The following MAPT variants were observed in gnomAD, a reference collection of about 807,000 sequenced individuals.
The protein encoded by MAPT is microtubule-associated protein tau.
A neutral mutation model predicts 67.9 loss-of-function variants in MAPT; 34 were observed. That is an observed-to-expected ratio of 0.50 (90% confidence interval 0.38 to 0.67). The LOEUF is 0.67. Among genes scored for constraint, MAPT ranks in the 30% least tolerant of loss-of-function variants. The pLI is 0.00. For missense variants in MAPT, 881 were observed against 1,115.2 expected, an observed-to-expected ratio of 0.79 and a Z score of 2.99; for synonymous variants, 456 against 464.5, an observed-to-expected ratio of 0.98 and a Z score of 0.23.
chr17:45,958,118 C>G (rs1267102534), intron 1 of MAPT, among the ~76,000 whole-genome samples: 4 of 152,142 alleles, frequency 2.6e-5, no homozygotes, highest in Non-Finnish European at 5.9e-5. Flanking sequence ...TTTTCAACCT[C>G]ACTCCATCTT....
chr17:45,989,386 C>G (rs915087906), intron 6 of MAPT, among the ~76,000 whole-genome samples: 1 of 152,140 alleles, frequency 6.6e-6, no homozygotes, highest in Non-Finnish European at 1.5e-5. Flanking sequence ...CGCGGTGGCT[C>G]ACGCCTGTAA....
At chr17:46,014,970 TGA>T (rs937932077) in intron 11 of MAPT, among the ~76,000 whole-genome samples, 3 of 151,274 alleles carry the variant, frequency 2.0e-5, no homozygotes, top group African/African-American at 7.3e-5. Flanking sequence ...GGAAGGGTAG[TGA>T]GGGGATGGTG....
At position 45,971,077 on chromosome 17, in the gene MAPT, A is replaced by G. The variant is rs59630019; in HGVS notation, c.134-782A>G. Reference sequence around the variant, plus strand: ...CCCATAAAATAACCAGGGCAGATTGACTCCCAGTGGCCAAAGTGCCACAGG... The same window carrying G: ...CCCATAAAATAACCAGGGCAGATTGGCTCCCAGTGGCCAAAGTGCCACAGG... On this transcript the variant is annotated intron_variant, in intron 2 of 12. Coordinates refer to ENST00000262410, the MANE Select transcript of MAPT (RefSeq NM_001377265.1). The surrounding 1 kb of genome is among the most constrained non-coding windows in gnomAD (Gnocchi z 4.3). 3.5e-3 allele frequency among the ~76,000 whole-genome samples: 531 copies of G among 152,116 alleles called. 6 individuals carry two copies. Among genetic ancestry groups the G allele is most frequent in the African/African-American group, 0.012 (516 of 41,498 alleles).
intron 9 of MAPT, chr17:45,999,765 A>G: frequency 9.5e-7 from 1 of 1,051,730 alleles, no homozygotes; most frequent in Non-Finnish European, 1.4e-6. Flanking sequence ...GGGTGACTTG[A>G]CTTTTCTTGA....
At chr17:46,019,086 T>C (rs1359437382) in intron 12 of MAPT, among the ~76,000 whole-genome samples, 1 of 152,152 alleles carries the variant, frequency 6.6e-6, no homozygotes, top group Admixed American at 6.5e-5. Context: ...GGGTAATTTA[T>C]AAAGGAAAGA....
At chr17:45,994,028 C>A (rs1422899186) in intron 8 of MAPT, 14 of 1,506,040 alleles carry the variant, frequency 9.3e-6, no homozygotes, top group Non-Finnish European at 6.3e-6. Flanking sequence ...CGTGTGTGGC[C>A]ATTCACTGGC....
At chr17:45,970,786 C>T (rs971940320) in intron 2 of MAPT, among the ~76,000 whole-genome samples, 1 of 152,248 alleles carries the variant, frequency 6.6e-6, no homozygotes, top group African/African-American at 2.4e-5. Flanking sequence ...TAGCCTGTAA[C>T]TCCTGCTTCC....
chr17:45,943,990 A>G (rs2068228834), intron 1 of MAPT, among the ~76,000 whole-genome samples: 1 of 151,928 alleles, frequency 6.6e-6, no homozygotes, highest in Admixed American at 6.6e-5. Context: ...AGCCTCTCCT[A>G]CTGGCTCCTG....
intron 2 of MAPT, among the ~76,000 whole-genome samples, chr17:45,969,965 C>T (rs1443409181): frequency 1.3e-5 from 2 of 151,664 alleles, no homozygotes; most frequent in Non-Finnish European, 2.9e-5. Context: ...ATCCATCCAC[C>T]CATATCTTCA....
intron 1 of MAPT, among the ~76,000 whole-genome samples, chr17:45,912,298 A>T (rs1450746146): frequency 6.6e-6 from 1 of 152,232 alleles, no homozygotes; most frequent in African/African-American, 2.4e-5. Flanking sequence ...TGTAAATGTG[A>T]TCTTATTTGG....
At chr17:45,946,582 G>A (rs543014651) in intron 1 of MAPT, among the ~76,000 whole-genome samples, 251 of 120,254 alleles carry the variant, frequency 2.1e-3, no homozygotes, top group African/African-American at 6.9e-3. Context: ...CTGGGCGACC[G>A]AGGGGGACTC....
intron 1 of MAPT, among the ~76,000 whole-genome samples, chr17:45,936,176 G>A (rs2067307477): frequency 6.6e-6 from 1 of 152,228 alleles, no homozygotes; most frequent in Admixed American, 6.5e-5. Flanking sequence ...TTCCTGGCCA[G>A]ACCGAATATA....
At chr17:46,002,541 A>G (rs2075086685) in intron 9 of MAPT, among the ~76,000 whole-genome samples, 1 of 152,034 alleles carries the variant, frequency 6.6e-6, no homozygotes, top group African/African-American at 2.4e-5. Context: ...TGGCTCTGAG[A>G]AGATGGAGCT....
chr17:45,927,145 T>C (rs369841665), intron 1 of MAPT, among the ~76,000 whole-genome samples: 1 of 151,948 alleles, frequency 6.6e-6, no homozygotes, highest in Non-Finnish European at 1.5e-5. Context: ...TTTCTTAAGT[T>C]TGAAAATTTT....
intron 1 of MAPT, among the ~76,000 whole-genome samples, chr17:45,935,517 A>G (rs1400418455): frequency 6.6e-6 from 1 of 152,018 alleles, no homozygotes; most frequent in East Asian, 1.9e-4. Flanking sequence ...CAGCTCCACC[A>G]CCATCACCAG....
At chr17:46,004,051 A>T (rs2075235913) in intron 9 of MAPT, among the ~76,000 whole-genome samples, 1 of 152,194 alleles carries the variant, frequency 6.6e-6, no homozygotes, top group Non-Finnish European at 1.5e-5. Flanking sequence ...GTGGGCATCC[A>T]GTGCCCACCC....
In MAPT at chr17:45,983,576, G is replaced by A. The variant is rs1242706206; in HGVS notation, c.997G>A (p.Gly333Ser). 1 of 1,613,102 alleles carries A rather than the reference G, an allele frequency of 6.2e-7. No individual in the cohort carries two copies. The highest frequency in any genetic ancestry group is 8.5e-7 in the Non-Finnish European group (1 of 1,179,976). ...CGCCAGAGAAGCCACCAGCATCCCA[G>A]GCTTCCCAGCGGAGGGTGCCATCCC... ...TAAREATSIPGFPAEGAIPLP... is the reference protein window; with the variant it reads ...TAAREATSIPSFPAEGAIPLP... The change falls in exon 5 of 13, where the codon GGC (glycine) becomes AGC (serine). Residue 333 changes from glycine to serine, a missense_variant. This residue lies in a region of MAPT where 687 missense variants were observed against 766.1 expected (regional missense o/e 0.90). Transcript: ENST00000262410.
At chr17:45,999,778 T>C (rs2074842792) in intron 9 of MAPT, 1 of 931,544 alleles carries the variant, frequency 1.1e-6, no homozygotes, top group African/African-American at 1.7e-5. Flanking sequence ...TTTCTTGAGA[T>C]ATTTTGGGGG....
In MAPT at chr17:46,017,440, A is replaced by ATTTTTT. The variant is rs76980614; in HGVS notation, c.2174-1153_2174-1148dup. Among the ~76,000 whole-genome samples the ATTTTTT allele has an allele frequency of 1.1e-3, 69 of 63,004 alleles. 10 individuals are homozygous for ATTTTTT. Among genetic ancestry groups the ATTTTTT allele is most frequent in the African/African-American group, 4.9e-3 (62 of 12,646 alleles). 41.3% of individuals were successfully genotyped at this position (63,004 alleles called of 152,430 possible). On this transcript the variant is annotated intron_variant, in intron 11 of 12. Transcript: ENST00000262410. ...AGGCACATGCCAACATGCCTGGCTA[A>ATTTTTT]TTTTTTTTTTTTTTTTTTTTTTTTT...
Sources: allele counts gnomAD v4.1 joint callset (sites outside exome capture counted in the v4.1 genomes callset), GRCh38; gene constraint gnomAD v4.1.1; regional missense constraint gnomAD v4.1.1; non-coding constraint Gnocchi (gnomAD v3.1); transcripts MANE v1.5; gene names NCBI Gene and HGNC (gene_info 2026-07-23, HGNC 2026-07-21).